Variants in OCA2 observed in about 807,000 individuals in gnomAD.
The protein encoded by OCA2 is OCA2 melanosomal transmembrane protein.
In OCA2, 77 loss-of-function variants were observed where a neutral mutation model predicts 100.2. The ratio of observed to expected loss-of-function variants is 0.77; its 90% CI spans 0.64 to 0.93. OCA2 has a LOEUF of 0.93. OCA2 is among the 40% of genes least tolerant of loss of function. The probability of loss-of-function intolerance (pLI) is 0.00; values close to 1 mark genes in which losing one functional copy is unlikely to be tolerated. For synonymous variants in OCA2, 432 were observed against 439.2 expected (o/e 0.98, Z 0.21); for missense variants, 1,062 against 1,089.1 (o/e 0.98, Z 0.35).
intron 21 of OCA2, among the ~76,000 whole-genome samples, chr15:27,858,388 GAAAAA>G (rs200488887): frequency 6.1e-5 from 3 of 49,416 alleles, no homozygotes; most frequent in Non-Finnish European, 1.3e-4. Flanking sequence ...AAGAAAGAAA[GAAAAA>G]AAAAAAAAAA....
Position 28,018,386 on chromosome 15 carries a change from A to G in OCA2, c.807+11T>C, listed in dbSNP as rs1230139060. On this transcript the variant is annotated intron_variant, in intron 7 of 23. Transcript: ENST00000354638. ...TTTCACAATTCCTTTCAAATAAATT[A>G]TCAGCATAACCTGCTGTGGCCGCCG... 2.5e-6 allele frequency: 4 copies of G among 1,613,404 alleles called. No individual in the cohort carries two copies. Among genetic ancestry groups the G allele is most frequent in the Non-Finnish European group, 3.4e-6 (4 of 1,179,606 alleles).
intron 23 of OCA2, among the ~76,000 whole-genome samples, chr15:27,778,768 GAAAAGGC>G (rs2032384333): frequency 6.6e-6 from 1 of 152,280 alleles, no homozygotes; most frequent in East Asian, 1.9e-4. Flanking sequence ...CTCTTGCCTG[GAAAAGGC>G]AAGTGGCAGA....
intron 19 of OCA2, chr15:27,895,786 T>C: frequency 2.5e-6 from 1 of 396,990 alleles, no homozygotes; most frequent in East Asian, 5.3e-5. Context: ...AGGGTGAAAC[T>C]GAGTATTATG....
chr15:27,818,276 T>C (rs2034379013), intron 23 of OCA2, among the ~76,000 whole-genome samples: 2 of 151,872 alleles, frequency 1.3e-5, no homozygotes, highest in African/African-American at 4.8e-5. Flanking sequence ...GTAATCCCAG[T>C]TACTCGGGAG....
chr15:27,849,158 C>T (rs1438628148), intron 22 of OCA2, among the ~76,000 whole-genome samples: 2 of 146,086 alleles, frequency 1.4e-5, no homozygotes, highest in Admixed American at 6.7e-5. Context: ...AACACAGCCA[C>T]ATGCTGCCTG....
rs141287922 is a variant in OCA2 at position 27,781,856 on chromosome 15, C to T, written c.2433-26384G>A. On this transcript the variant is annotated intron_variant, in intron 23 of 23. Coordinates refer to ENST00000354638, the MANE Select transcript of OCA2 (RefSeq NM_000275.3). ...AAAATGAGAATCTTGAAAGCAATCT[C>T]ATCTAAACCTTCATTTTACACACAG... is the stretch of plus-strand genomic sequence containing the variant. Among the ~76,000 whole-genome samples, 429 of 152,286 alleles carry T rather than the reference C, an allele frequency of 2.8e-3. 1 individual carries two copies. The highest frequency in any genetic ancestry group is 9.8e-3 in the African/African-American group (409 of 41,530).
In OCA2 at chr15:27,849,540, T is replaced by TAAAA. The variant is rs10624460; in HGVS notation, c.2338+1838_2338+1841dup. ...CAAAAAATACTGGGGTCAGACCAGT[T>TAAAA]AAAAAAAAAAAAAGTTGTTTCAAAG... On this transcript the variant is annotated intron_variant, in intron 22 of 23. Transcript: ENST00000354638. Among the ~76,000 whole-genome samples, 148 of 148,790 alleles carry TAAAA rather than the reference T, an allele frequency of 9.9e-4. 1 individual carries two copies. Among genetic ancestry groups the TAAAA allele is most frequent in the Admixed American group, 1.9e-3 (28 of 15,024 alleles).
In OCA2 at chr15:27,937,324, G is replaced by C. The variant is rs2039492359; in HGVS notation, c.1952-11070C>G. Among the ~76,000 whole-genome samples the C allele has an allele frequency of 2.0e-5, 3 of 152,254 alleles. No individual in the cohort carries two copies. The South Asian group carries it at 6.2e-4, about 32-fold the overall frequency. On this transcript the variant is annotated intron_variant, in intron 18 of 23. Transcript: ENST00000354638. ...CGTTCTAGGGGTTGATATTTGAGTT[G>C]TTTCCAGTTTGGGGCTATTATAAAT...
At chr15:27,761,845 T>C (rs1164964836) in intron 23 of OCA2, among the ~76,000 whole-genome samples, 1 of 152,078 alleles carries the variant, frequency 6.6e-6, no homozygotes, top group East Asian at 1.9e-4. Flanking sequence ...TTTTTTAAGA[T>C]ATGGGGTCTC....
rs569674137 is a variant in OCA2, at chr15:28,028,182, A to C, written c.327-123T>G. On this transcript the variant is annotated intron_variant, in intron 3 of 23. Coordinates refer to ENST00000354638, the MANE Select transcript of OCA2 (RefSeq NM_000275.3). Reference sequence around the variant, plus strand: ...CAACCCTGGTCTTTCAAAGGACCACAGACAGTGGTGCACTCTCATACTGGT... The same window carrying C: ...CAACCCTGGTCTTTCAAAGGACCACCGACAGTGGTGCACTCTCATACTGGT... 234 of 1,092,850 alleles carry C rather than the reference A, an allele frequency of 2.1e-4. No individual in the cohort carries two copies. In the African/African-American group the frequency reaches 2.4e-3, roughly 11 times the overall value. 67.7% of individuals were successfully genotyped at this position (1,092,850 alleles called of 1,614,324 possible).
intron 19 of OCA2, among the ~76,000 whole-genome samples, chr15:27,903,014 C>T (rs28448549): frequency 0.29 from 44,557 of 152,050 alleles, 7,104 homozygotes; most frequent in East Asian, 0.62. Flanking sequence ...GTCAGGGAGG[C>T]CACGAGGGGC....
chr15:28,081,737 GT>G lies in OCA2; in HGVS notation c.137del (p.Asp46AlafsTer56). 1 of 1,613,706 alleles carries G rather than the reference GT, an allele frequency of 6.2e-7. No individual in the cohort carries two copies. The highest frequency in any genetic ancestry group is 8.5e-7 in the Non-Finnish European group (1 of 1,179,978). On this transcript the variant is annotated frameshift_variant, in exon 2 of 24. Coordinates refer to ENST00000354638, the MANE Select transcript of OCA2 (RefSeq NM_000275.3). LOFTEE classifies it high-confidence loss of function. ...RRLPRGAGGA[D>X]PSHSCPRGAA... is the part of the protein sequence containing the mutation. The stretch of plus-strand genomic sequence containing the variant: ...CCCCCCTGGGGCAGGAGTGCGAGGG[GT>G]CAGCTCCACCGGCTCCCCGAGGAAG...
chr15:28,049,832 G>T (rs1933353007), intron 2 of OCA2, among the ~76,000 whole-genome samples: 1 of 152,202 alleles, frequency 6.6e-6, no homozygotes, highest in African/African-American at 2.4e-5. Flanking sequence ...ATTGCTTAAT[G>T]AGCACAGAGT....
At chr15:27,881,321 C>CTT (rs147170693) in intron 19 of OCA2, among the ~76,000 whole-genome samples, 2 of 151,932 alleles carry the variant, frequency 1.3e-5, no homozygotes, top group African/African-American at 4.8e-5. Flanking sequence ...CTGAAGTTTT[C>CTT]TTTTTTTGTT....
chr15:27,976,347 G>A (rs1422001646), intron 14 of OCA2, among the ~76,000 whole-genome samples: 2 of 152,092 alleles, frequency 1.3e-5, no homozygotes, highest in Non-Finnish European at 2.9e-5. Context: ...GATGTTAGAG[G>A]GAAATCATTC....
intron 19 of OCA2, among the ~76,000 whole-genome samples, 171 bp downstream of exon 19, chr15:27,925,956 G>A (rs949498467): frequency 1.3e-5 from 2 of 152,174 alleles, no homozygotes; most frequent in Admixed American, 6.5e-5. Context: ...ATCTCTCAGT[G>A]GCTAAGGTAA....
chr15:28,024,721 A>G, intron 5 of OCA2, 124 bp downstream of exon 5: 1 of 1,021,434 alleles, frequency 9.8e-7, no homozygotes, highest in Non-Finnish European at 1.5e-6. Flanking sequence ...AAAGACAGTC[A>G]GAGAATCAGG....
the OCA2 span, among the ~76,000 whole-genome samples, chr15:27,732,067 G>A: frequency 3.9e-5 from 6 of 152,200 alleles, no homozygotes; most frequent in African/African-American, 1.2e-4. Context: ...TGAGACACAG[G>A]CTTGCTGGCA....
intron 9 of OCA2, among the ~76,000 whole-genome samples, chr15:28,002,770 C>T (rs751746629): frequency 2.0e-5 from 3 of 152,140 alleles, no homozygotes; most frequent in Non-Finnish European, 4.4e-5. Context: ...GAGTTCCTGG[C>T]CCCTTGTTCT....
Sources: allele counts gnomAD v4.1 joint callset (sites outside exome capture counted in the v4.1 genomes callset), GRCh38; gene constraint gnomAD v4.1.1; transcripts MANE v1.5; gene names NCBI Gene and HGNC (gene_info 2026-07-23, HGNC 2026-07-21).